MICAL2: variants seen among roughly 807,000 people sequenced by gnomAD.
MICAL2 encodes microtubule associated monooxygenase, calponin and LIM domain containing 2.
A neutral mutation model predicts 127.3 loss-of-function variants in MICAL2; 77 were observed. That is an observed-to-expected ratio of 0.60 (90% CI 0.50 to 0.73). The LOEUF (loss-of-function observed/expected upper bound fraction) is 0.73, where lower values mean the gene tolerates loss of function less well. MICAL2 is among the 30% of genes least tolerant of loss of function. The pLI is 0.00. For synonymous variants in MICAL2, 570 were observed against 551.1 expected (o/e 1.03, Z -0.48); for missense variants, 1,351 against 1,434.4 (o/e 0.94, Z 0.94).
chr11:12,111,549 G>A (rs376535874), intron 1 of MICAL2, among the ~76,000 whole-genome samples: 5 of 152,256 alleles, frequency 3.3e-5, no homozygotes, highest in African/African-American at 1.2e-4. Flanking sequence ...GGGATGAGGG[G>A]ATGTGGAAAC....
In MICAL2 at chr11:12,162,181, AG is replaced by A; in HGVS notation, c.28del (p.Ala10ProfsTer32). The part of the protein sequence containing the change: MGENEDEK[Q>X]AQAGQVFENF... Reference sequence around the variant, plus strand: ...ATGGGGGAAAACGAGGATGAGAAGCAGGCCCAGGCGGGGCAGGTTTTTGAGA... The same window carrying A: ...ATGGGGGAAAACGAGGATGAGAAGCAGCCCAGGCGGGGCAGGTTTTTGAGA... On this transcript the variant is annotated frameshift_variant, in exon 3 of 28. Coordinates refer to ENST00000683283, the MANE Select transcript of MICAL2 (RefSeq NM_001282663.2). LOFTEE classifies it high-confidence loss of function. The A allele has an allele frequency of 4.3e-6, 7 of 1,614,208 alleles. No individual in the cohort carries two copies. The highest frequency in any genetic ancestry group is 5.9e-6 in the Non-Finnish European group (7 of 1,180,040).
chr11:12,162,510 G>C, intron 3 of MICAL2, 91 bp downstream of exon 3: 2 of 1,455,554 alleles, frequency 1.4e-6, no homozygotes, highest in Non-Finnish European at 1.9e-6. Context: ...GGCACTCTAC[G>C]GTTCTTAGGT....
At chr11:12,362,017 G>A (rs1427478844), downstream of MICAL2, among the ~76,000 whole-genome samples, 1 of 152,230 alleles carries the variant, frequency 6.6e-6, no homozygotes, top group African/African-American at 2.4e-5. Flanking sequence ...TGAGTAGCTT[G>A]TAAAAGATTA....
chr11:12,206,241 G>A (rs556337266), intron 4 of MICAL2, among the ~76,000 whole-genome samples: 2 of 152,178 alleles, frequency 1.3e-5, no homozygotes, highest in South Asian at 4.1e-4. Flanking sequence ...GATGCCTTGT[G>A]GGGCCCTGGG....
intron 29 of MICAL2, among the ~76,000 whole-genome samples, chr11:12,312,263 C>T (rs1864182845): frequency 6.6e-6 from 1 of 150,614 alleles, no homozygotes; most frequent in Non-Finnish European, 1.5e-5. Flanking sequence ...TATTTGCTTC[C>T]TCTTACATTC....
intron 30 of MICAL2, among the ~76,000 whole-genome samples, chr11:12,321,800 A>G (rs998253176): frequency 6.6e-5 from 10 of 152,150 alleles, no homozygotes; most frequent in Non-Finnish European, 1.2e-4. Context: ...GGAAGCGCTA[A>G]GACCACATGA....
intron 29 of MICAL2, among the ~76,000 whole-genome samples, chr11:12,307,036 A>G (rs1396326985): frequency 6.6e-6 from 1 of 152,128 alleles, no homozygotes; most frequent in Non-Finnish European, 1.5e-5. Context: ...AAACTTGTCA[A>G]ATTATTTTCC....
At chr11:12,137,037 C>G (rs1851896197) in intron 1 of MICAL2, among the ~76,000 whole-genome samples, 1 of 152,188 alleles carries the variant, frequency 6.6e-6, no homozygotes, top group Admixed American at 6.5e-5. Context: ...CCAGAAGCTT[C>G]CCTTGAGAAG....
Position 12,259,847 on chromosome 11 carries a change from A to G in MICAL2, c.3284A>G (p.Glu1095Gly). Reference protein sequence around the residue: ...QEAPRRDTPTESSCAVAAIGT... With the variant: ...QEAPRRDTPTGSSCAVAAIGT... ...GCCCCTCGGAGAGACACTCCCACCGAAAGTTCTTGCGCAGTGGCCGCCATT... is the reference window on the plus strand; with the variant it reads ...GCCCCTCGGAGAGACACTCCCACCGGAAGTTCTTGCGCAGTGGCCGCCATT... The change falls in exon 26 of 28, where the codon GAA (glutamate) becomes GGA (glycine). Residue 1095 changes from glutamate (E) to glycine (G), a missense_variant. Around this residue, in one of 2 missense-constraint regions of MICAL2, gnomAD observed 752 missense variants for 719.4 expected, o/e 1.05. Transcript: ENST00000683283. The G allele has an allele frequency of 1.2e-6, 2 of 1,601,558 alleles. No individual in the cohort carries two copies. The highest frequency in any genetic ancestry group is 1.3e-5 in the African/African-American group (1 of 74,696).
At chr11:12,223,583 C>A (rs948145258) in intron 12 of MICAL2, 82 bp downstream of exon 12, 1 of 1,257,358 alleles carries the variant, frequency 8.0e-7, no homozygotes, top group Non-Finnish European at 1.2e-6. Flanking sequence ...CGTGGTGACA[C>A]AGGCACTGCA....
chr11:12,222,248 G>A (rs1856902924), intron 10 of MICAL2, among the ~76,000 whole-genome samples: 1 of 152,170 alleles, frequency 6.6e-6, no homozygotes, highest in Admixed American at 6.5e-5. Flanking sequence ...GGCGGGCGGA[G>A]GCAGGCCCTG....
At chr11:12,138,748 C>T (rs1175353377) in intron 2 of MICAL2, among the ~76,000 whole-genome samples, 1 of 152,196 alleles carries the variant, frequency 6.6e-6, no homozygotes, top group African/African-American at 2.4e-5. Flanking sequence ...CTGAGCCAGG[C>T]AGCAATTCCC....
chr11:12,180,315 C>A (rs1164250294), intron 3 of MICAL2, among the ~76,000 whole-genome samples: 1 of 138,288 alleles, frequency 7.2e-6, no homozygotes, highest in Non-Finnish European at 1.6e-5. Context: ...GGTCCAGACT[C>A]TTGCAGTGTT....
At chr11:12,258,388 G>A in intron 24 of MICAL2, 80 bp from the exon 25 acceptor site, 1 of 1,059,388 alleles carries the variant, frequency 9.4e-7, no homozygotes, top group Non-Finnish European at 1.5e-6. Flanking sequence ...CTTGGACAGT[G>A]GTGGGCACTT....
chr11:12,195,631 A>T (rs1175738756), intron 3 of MICAL2, among the ~76,000 whole-genome samples: 1 of 152,196 alleles, frequency 6.6e-6, no homozygotes, highest in Non-Finnish European at 1.5e-5. Context: ...AAATGTTTAA[A>T]ATGCTATTTG....
intron 29 of MICAL2, among the ~76,000 whole-genome samples, chr11:12,312,029 CAA>C (rs1864180638): frequency 6.6e-6 from 1 of 150,986 alleles, no homozygotes; most frequent in African/African-American, 2.4e-5. Flanking sequence ...TATATAAAAA[CAA>C]ATTTTTAAAA....
At chr11:12,213,562 T>C (rs1046510644) in intron 7 of MICAL2, 152 bp downstream of exon 7, 1 of 701,114 alleles carries the variant, frequency 1.4e-6, no homozygotes, top group African/African-American at 1.8e-5. Context: ...GGATAGTGAA[T>C]ACAGACAGGA....
At chr11:12,337,859 G>C (rs1165218598) in intron 32 of MICAL2, among the ~76,000 whole-genome samples, 1 of 152,184 alleles carries the variant, frequency 6.6e-6, no homozygotes, top group Non-Finnish European at 1.5e-5. Flanking sequence ...TTGCTGAGGA[G>C]AGCTTTACTT....
intron 2 of MICAL2, among the ~76,000 whole-genome samples, chr11:12,158,514 A>C (rs998090831): frequency 2.3e-4 from 34 of 147,586 alleles, no homozygotes; most frequent in African/African-American, 3.7e-4. Flanking sequence ...AAAAAAAAAA[A>C]CAGATAATTT....
Sources: gnomAD v4.1 joint callset for allele counts (sites outside exome capture counted in the v4.1 genomes callset) on GRCh38, gnomAD v4.1.1 for gene constraint, gnomAD v4.1.1 regional missense constraint, MANE v1.5 for transcripts, NCBI Gene and HGNC (gene_info 2026-07-23, HGNC 2026-07-21) for gene names.